The following EHBP1 variants were observed in gnomAD, a reference collection of about 807,000 sequenced individuals.
EHBP1 encodes EH domain binding protein 1.
A neutral mutation model predicts 144.0 loss-of-function variants in EHBP1; 55 were observed. That is an observed-to-expected ratio of 0.38 (90% confidence interval 0.31 to 0.48). The LOEUF (loss-of-function observed/expected upper bound fraction) is 0.48, where lower values mean the gene tolerates loss of function less well. Ranked by LOEUF, EHBP1 falls within the 20% of genes least tolerant of loss-of-function variation. The probability of loss-of-function intolerance (pLI) is 0.98; values close to 1 mark genes in which losing one functional copy is unlikely to be tolerated. For synonymous variants in EHBP1, 469 were observed against 472.7 expected (o/e 0.99, Z 0.10); for missense variants, 1,200 against 1,364.2 (o/e 0.88, Z 1.90).
chr2:62,789,678 T>A (rs2043044300), intron 5 of EHBP1, among the ~76,000 whole-genome samples: 1 of 152,218 alleles, frequency 6.6e-6, no homozygotes, highest in South Asian at 2.1e-4. Flanking sequence ...TGCATACATC[T>A]TCCAACCCAC....
intron 5 of EHBP1, among the ~76,000 whole-genome samples, chr2:62,779,589 T>A (rs1409853689): frequency 6.6e-6 from 1 of 152,208 alleles, no homozygotes; most frequent in Admixed American, 6.5e-5. Context: ...AAGATCCCTG[T>A]ATTGTTAGAT....
intron 1 of EHBP1, among the ~76,000 whole-genome samples, chr2:62,689,707 C>A (rs549326255): frequency 6.6e-6 from 1 of 152,198 alleles, no homozygotes; most frequent in Non-Finnish European, 1.5e-5. Context: ...TGTCTATTTT[C>A]ATTAACAAGA....
rs139193024 is a variant in EHBP1, at chr2:62,710,795, A to G, written c.104+3500A>G. Among the ~76,000 whole-genome samples the G allele has an allele frequency of 4.6e-4, 70 of 152,328 alleles. 1 individual carries two copies. The highest frequency in any genetic ancestry group is 1.5e-3 in the African/African-American group (62 of 41,576). On this transcript the variant is annotated intron_variant, in intron 2 of 22. Coordinates refer to ENST00000431489, the MANE Select transcript of EHBP1 (RefSeq NM_001142616.3). ...GTAACTGATCCCAGCTTAGTCTTCCAATTAGACATTAAGAAGACTACATGC... is the reference window on the plus strand; with the variant it reads ...GTAACTGATCCCAGCTTAGTCTTCCGATTAGACATTAAGAAGACTACATGC...
intron 7 of EHBP1, among the ~76,000 whole-genome samples, chr2:62,851,964 C>A (rs1273909062): frequency 6.6e-6 from 1 of 152,122 alleles, no homozygotes; most frequent in African/African-American, 2.4e-5. Flanking sequence ...ATGAGGAAGA[C>A]ATACTCTAAG....
chr2:62,792,765 C>T (rs1248291950), intron 5 of EHBP1, among the ~76,000 whole-genome samples: 1 of 152,040 alleles, frequency 6.6e-6, no homozygotes, highest in African/African-American at 2.4e-5. Flanking sequence ...CAATTGATTT[C>T]ACTCTCAGTA....
chr2:62,833,265 C>A (rs765727974), intron 7 of EHBP1, among the ~76,000 whole-genome samples: 3 of 152,112 alleles, frequency 2.0e-5, no homozygotes, highest in African/African-American at 7.2e-5. Context: ...AGGAAAGAAC[C>A]CATGTCCATA....
chr2:62,733,464 G>C (rs2037810597), intron 2 of EHBP1, among the ~76,000 whole-genome samples: 1 of 152,106 alleles, frequency 6.6e-6, no homozygotes, highest in South Asian at 2.1e-4. Context: ...TGGAGGAATG[G>C]GAAGTATTCT....
At chr2:62,840,051 AC>A (rs1288114362) in intron 7 of EHBP1, among the ~76,000 whole-genome samples, 1 of 152,130 alleles carries the variant, frequency 6.6e-6, no homozygotes. Context: ...AGCCAAAAGA[AC>A]AAAGCTGGAG....
chr2:62,863,665 CTT>C lies in EHBP1; in HGVS notation c.758-1064_758-1063del, dbSNP rs1160298302. On this transcript the variant is annotated intron_variant, in intron 8 of 22. Transcript: ENST00000431489. ...CATACAGAAACCTCCTCTTTGAAAA[CTT>C]TGAGAAAACAAGTTCAGTGGCCTGT... Among the ~76,000 whole-genome samples the C allele has an allele frequency of 5.9e-5, 9 of 151,882 alleles. No homozygotes were observed. In the South Asian group the frequency reaches 1.5e-3, roughly 25 times the overall value.
intron 1 of EHBP1, chr2:62,674,125 A>C (rs1208792326): frequency 4.2e-6 from 2 of 471,148 alleles, no homozygotes; most frequent in Admixed American, 2.3e-5. Context: ...AATGTTCTAG[A>C]AGCATCCCCA....
At chr2:62,932,548 G>A (rs1012660644) in intron 10 of EHBP1, among the ~76,000 whole-genome samples, 24 of 152,168 alleles carry the variant, frequency 1.6e-4, no homozygotes, top group African/African-American at 5.8e-4. Context: ...GCAGTTACTA[G>A]GGGCAGAGAC....
chr2:62,919,014 T>C (rs867199804), intron 10 of EHBP1, among the ~76,000 whole-genome samples: 1 of 152,188 alleles, frequency 6.6e-6, no homozygotes, highest in South Asian at 2.1e-4. Context: ...AGCTCAGCAG[T>C]GGCTATCCAT....
intron 14 of EHBP1, among the ~76,000 whole-genome samples, chr2:62,967,301 A>G (rs1417425190): frequency 4.6e-5 from 7 of 152,180 alleles, no homozygotes; most frequent in Non-Finnish European, 1.0e-4. Context: ...AGACCACATT[A>G]CAAACTGAAA....
At chr2:62,926,994 A>G (rs2055569241) in intron 10 of EHBP1, among the ~76,000 whole-genome samples, 1 of 152,210 alleles carries the variant, frequency 6.6e-6, no homozygotes, top group Admixed American at 6.5e-5. Flanking sequence ...TACGTCATGG[A>G]ATACTATTTA....
intron 21 of EHBP1, chr2:63,043,989 C>G (rs1043000652): frequency 9.5e-5 from 9 of 94,602 alleles, no homozygotes; most frequent in African/African-American, 3.4e-4. Context: ...TGTCCTGTTT[C>G]CCTCTAGGTC....
intron 1 of EHBP1, among the ~76,000 whole-genome samples, chr2:62,694,001 A>C (rs932441243): frequency 6.6e-6 from 1 of 152,190 alleles, no homozygotes; most frequent in African/African-American, 2.4e-5. Flanking sequence ...ACCATTGCCA[A>C]ACCCAAAGCT....
chr2:62,936,903 A>G (rs959090679), intron 10 of EHBP1, among the ~76,000 whole-genome samples: 3 of 152,288 alleles, frequency 2.0e-5, no homozygotes, highest in South Asian at 2.1e-4. Context: ...ATGATTTGCA[A>G]TAACTGGGGA....
intron 14 of EHBP1, among the ~76,000 whole-genome samples, chr2:62,966,719 C>G (rs973621931): frequency 6.6e-6 from 1 of 152,086 alleles, no homozygotes; most frequent in Non-Finnish European, 1.5e-5. Context: ...TAGGAACTAT[C>G]ATTTCCCAGC....
At chr2:62,696,215 G>A (rs2034084639) in intron 1 of EHBP1, among the ~76,000 whole-genome samples, 1 of 136,214 alleles carries the variant, frequency 7.3e-6, no homozygotes, top group Non-Finnish European at 1.5e-5. Flanking sequence ...CTGTCACCCA[G>A]GCTTGAGTAC....
Sources: allele counts gnomAD v4.1 joint callset (sites outside exome capture counted in the v4.1 genomes callset), GRCh38; gene constraint gnomAD v4.1.1; transcripts MANE v1.5; gene names NCBI Gene and HGNC (gene_info 2026-07-23, HGNC 2026-07-21).